PTPRG: variants seen among roughly 807,000 people sequenced by gnomAD.
The protein encoded by PTPRG is protein tyrosine phosphatase receptor type G.
In PTPRG, 102 loss-of-function variants were observed where a neutral mutation model predicts 165.3. The observed-to-expected ratio is 0.62, with a 90% confidence interval of 0.53 to 0.73. The LOEUF (loss-of-function observed/expected upper bound fraction) is 0.73. Ranked by LOEUF, PTPRG falls within the 30% of genes least tolerant of loss-of-function variation. The pLI, the probability that PTPRG is intolerant of heterozygous loss-of-function variation, is 0.00. For missense variants in PTPRG, 1,866 were observed against 1,861.4 expected (o/e 1.00, Z -0.05); for synonymous variants, 675 against 669.5 (o/e 1.01, Z -0.13).
chr3:62,267,349 G>A (rs2148866663), intron 17 of PTPRG, 61 bp from the exon 18 acceptor site: 1 of 1,267,170 alleles, frequency 7.9e-7, no homozygotes, highest in Non-Finnish European at 1.1e-6. Context: ...TTGTGCTTTA[G>A]AATGGTGCTA....
chr3:61,830,942 G>A (rs754369947), intron 2 of PTPRG, among the ~76,000 whole-genome samples: 1 of 152,162 alleles, frequency 6.6e-6, no homozygotes, highest in Non-Finnish European at 1.5e-5. Flanking sequence ...TTTGTGCTTT[G>A]TTTTTACTTG....
rs768919829 is a variant in PTPRG at position 62,292,546 on chromosome 3, TCA to T, written c.4184_4185del (p.Thr1395ArgfsTer3). 1 of 1,613,002 alleles carries T rather than the reference TCA, an allele frequency of 6.2e-7. No individual in the cohort carries two copies. The highest frequency in any genetic ancestry group is 8.5e-7 in the Non-Finnish European group (1 of 1,179,520). Reference sequence around the variant, plus strand: ...ATCAATCTTATGAGGCCTGGAGTATTCACAGACATTGTAAGTAGTTTGCTTAT... The same window carrying T: ...ATCAATCTTATGAGGCCTGGAGTATTCAGACATTGTAAGTAGTTTGCTTAT... On this transcript the variant is annotated frameshift_variant, in exon 29 of 30. Coordinates refer to ENST00000474889, the MANE Select transcript of PTPRG (RefSeq NM_002841.4). LOFTEE classifies it high-confidence loss of function.
chr3:62,078,615 C>G (rs528845999), intron 5 of PTPRG, among the ~76,000 whole-genome samples: 1 of 152,094 alleles, frequency 6.6e-6, no homozygotes, highest in Non-Finnish European at 1.5e-5. Context: ...TAAAATTTGA[C>G]ATTACTTGCA....
intron 1 of PTPRG, among the ~76,000 whole-genome samples, chr3:61,581,312 T>G (rs1013436151): frequency 6.6e-6 from 1 of 152,188 alleles, no homozygotes; most frequent in Non-Finnish European, 1.5e-5. Context: ...CACTAGCTAA[T>G]CAGACTCAAG....
intron 1 of PTPRG, among the ~76,000 whole-genome samples, chr3:61,605,619 A>G (rs1300338966): frequency 6.6e-6 from 1 of 151,876 alleles, no homozygotes; most frequent in Non-Finnish European, 1.5e-5. Context: ...CCTAGACTGA[A>G]GTGCAGTGCT....
intron 2 of PTPRG, among the ~76,000 whole-genome samples, chr3:61,785,319 A>C (rs1244244222): frequency 7.2e-5 from 11 of 152,234 alleles, no homozygotes; most frequent in Admixed American, 7.2e-4. Context: ...TTTAGCACCT[A>C]TCTAGAAAAA....
At chr3:61,737,277 C>T (rs1263867466) in intron 1 of PTPRG, among the ~76,000 whole-genome samples, 3 of 152,212 alleles carry the variant, frequency 2.0e-5, no homozygotes, top group African/African-American at 7.2e-5. Context: ...GTTGTTCAGT[C>T]ATTATACAAG....
At chr3:61,703,270 G>T (rs759529879) in intron 1 of PTPRG, among the ~76,000 whole-genome samples, 1 of 151,836 alleles carries the variant, frequency 6.6e-6, no homozygotes, top group African/African-American at 2.4e-5. Flanking sequence ...ATCATTTTCC[G>T]ACTGATGCCT....
intron 5 of PTPRG, among the ~76,000 whole-genome samples, chr3:62,130,240 T>C (rs1246750138): frequency 6.6e-6 from 1 of 152,190 alleles, no homozygotes; most frequent in Non-Finnish European, 1.5e-5. Flanking sequence ...GGACTACCTA[T>C]GTCTACTCCT....
At chr3:61,575,607 T>C (rs1361361063) in intron 1 of PTPRG, among the ~76,000 whole-genome samples, 1 of 149,924 alleles carries the variant, frequency 6.7e-6, no homozygotes, top group Non-Finnish European at 1.5e-5. Flanking sequence ...ACTTTTTTTT[T>C]TTTTTTTTTT....
chr3:61,851,903 G>A (rs1014094539), intron 2 of PTPRG, among the ~76,000 whole-genome samples: 10 of 152,082 alleles, frequency 6.6e-5, no homozygotes, highest in Non-Finnish European at 1.3e-4. Flanking sequence ...TTGGAGTCAC[G>A]TAATTTTCCA....
chr3:61,860,646 G>A (rs998424894), intron 2 of PTPRG, among the ~76,000 whole-genome samples: 1 of 151,852 alleles, frequency 6.6e-6, no homozygotes, highest in African/African-American at 2.4e-5. Context: ...GTTTCTGCAG[G>A]TTGGCCAGAC....
intron 2 of PTPRG, among the ~76,000 whole-genome samples, chr3:61,918,717 A>C (rs1180492951): frequency 6.6e-6 from 1 of 152,218 alleles, no homozygotes; most frequent in East Asian, 1.9e-4. Context: ...TAGATACCAC[A>C]GGTGGACTGG....
At chr3:62,106,618 C>A (rs897120335) in intron 5 of PTPRG, among the ~76,000 whole-genome samples, 4 of 151,796 alleles carry the variant, frequency 2.6e-5, no homozygotes, top group Non-Finnish European at 5.9e-5. Context: ...TCCTCCCACA[C>A]CAGCCTCCCC....
At chr3:61,990,916 T>TTA (rs55973921) in intron 3 of PTPRG, among the ~76,000 whole-genome samples, 46 of 151,484 alleles carry the variant, frequency 3.0e-4, no homozygotes, top group Admixed American at 9.9e-4. Flanking sequence ...TTTTTTTTTT[T>TTA]AAATAACCTA....
At chr3:61,814,033 T>C (rs1347160939) in intron 2 of PTPRG, among the ~76,000 whole-genome samples, 1 of 152,034 alleles carries the variant, frequency 6.6e-6, no homozygotes, top group African/African-American at 2.4e-5. Flanking sequence ...CCAGAGTAGC[T>C]GGGACCACAG....
At chr3:61,918,750 T>C (rs1258130514) in intron 2 of PTPRG, among the ~76,000 whole-genome samples, 1 of 152,202 alleles carries the variant, frequency 6.6e-6, no homozygotes, top group Admixed American at 6.5e-5. Context: ...GGAAATGCCC[T>C]TACTGTCACT....
At chr3:61,818,460 CAA>C (rs1293249678) in intron 2 of PTPRG, among the ~76,000 whole-genome samples, 13 of 151,232 alleles carry the variant, frequency 8.6e-5, no homozygotes, top group African/African-American at 3.1e-4. Flanking sequence ...TTTTAATAAT[CAA>C]AGAGAAATAT....
chr3:62,253,150 G>A (rs544772646), intron 15 of PTPRG, among the ~76,000 whole-genome samples: 131 of 152,252 alleles, frequency 8.6e-4, no homozygotes, highest in Middle Eastern at 6.8e-3. Flanking sequence ...ATCTGAGGTG[G>A]GCTATGGCCT....
Sources: gnomAD v4.1 joint callset for allele counts (sites outside exome capture counted in the v4.1 genomes callset) on GRCh38, gnomAD v4.1.1 for gene constraint, MANE v1.5 for transcripts, NCBI Gene and HGNC (gene_info 2026-07-23, HGNC 2026-07-21) for gene names.